Variants in ADAMTSL1 observed in about 807,000 individuals in gnomAD.
ADAMTSL1 encodes ADAMTS like 1, also known as ADAMTS-like protein 1.
In ADAMTSL1, 126 loss-of-function variants were observed where a neutral mutation model predicts 201.8. The observed-to-expected ratio is 0.62, with a 90% CI of 0.54 to 0.72. ADAMTSL1 has a LOEUF of 0.72. ADAMTSL1 is among the 30% of genes least tolerant of loss of function. The pLI, the probability that ADAMTSL1 is intolerant of heterozygous loss-of-function variation, is 0.00. For missense variants in ADAMTSL1, 2,679 were observed against 2,277.8 expected (o/e 1.18, Z -3.59); for synonymous variants, 1,121 against 903.4 (o/e 1.24, Z -4.32).
chr9:18,138,925 T>A (rs1826275232), intron 1 of ADAMTSL1, among the ~76,000 whole-genome samples: 1 of 152,110 alleles, frequency 6.6e-6, no homozygotes, highest in East Asian at 1.9e-4. Flanking sequence ...GTTGACTGTG[T>A]GTATGAGTGT....
At chr9:18,222,667 T>C in intron 2 of ADAMTSL1, among the ~76,000 whole-genome samples, 1 of 150,530 alleles carries the variant, frequency 6.6e-6, no homozygotes, top group Non-Finnish European at 1.5e-5. Flanking sequence ...TTTTTGCCAT[T>C]CCTTTTTTCT....
chr9:18,192,511 C>G (rs908599919), intron 2 of ADAMTSL1, among the ~76,000 whole-genome samples: 1 of 152,094 alleles, frequency 6.6e-6, no homozygotes, highest in African/African-American at 2.4e-5. Flanking sequence ...CTTGCTGAAC[C>G]TTTCCATGAT....
At position 17,928,800 on chromosome 9, in the gene ADAMTSL1, G is replaced by A. The variant is rs556462754; in HGVS notation, c.87+21878G>A. On this transcript the variant is annotated intron_variant, in intron 1 of 29. Coordinates refer to the ADAMTSL1 transcript ENST00000680146. ...TTTGTGCATCTGACCCATACTATGT[G>A]AAAGGAGGTCAAATGTGAATCAGTA... Among the ~76,000 whole-genome samples the A allele has an allele frequency of 2.2e-4, 33 of 152,274 alleles. No individual in the cohort carries two copies. In the South Asian group the frequency reaches 6.8e-3, roughly 32 times the overall value.
intron 2 of ADAMTSL1, among the ~76,000 whole-genome samples, chr9:18,214,197 T>A (rs761765009): frequency 6.6e-6 from 1 of 152,216 alleles, no homozygotes; most frequent in Non-Finnish European, 1.5e-5. Flanking sequence ...TTTCTCTCCA[T>A]CAATAAACCC....
intron 23 of ADAMTSL1, among the ~76,000 whole-genome samples, chr9:18,855,468 C>G (rs1826782349): frequency 6.6e-6 from 1 of 152,120 alleles, no homozygotes; most frequent in Admixed American, 6.5e-5. Flanking sequence ...GCAAATCTTA[C>G]AAAATAGATC....
intron 2 of ADAMTSL1, among the ~76,000 whole-genome samples, chr9:18,527,572 A>G (rs1023133275): frequency 2.6e-5 from 4 of 152,182 alleles, no homozygotes; most frequent in Non-Finnish European, 5.9e-5. Context: ...TTAATTTTTC[A>G]TGTCATTTCA....
chr9:18,528,195 T>G (rs891221148), intron 2 of ADAMTSL1, among the ~76,000 whole-genome samples: 11 of 152,072 alleles, frequency 7.2e-5, no homozygotes, highest in African/African-American at 2.2e-4. Context: ...TTATTTTTAT[T>G]TTTATTTTAT....
chr9:18,534,795 C>G (rs541493022), intron 3 of ADAMTSL1, among the ~76,000 whole-genome samples: 2 of 152,320 alleles, frequency 1.3e-5, no homozygotes, highest in South Asian at 4.1e-4. Flanking sequence ...GGCTTGCACC[C>G]CCTAAAGCAA....
At chr9:18,065,057 C>A (rs181115099) in intron 1 of ADAMTSL1, among the ~76,000 whole-genome samples, 3 of 129,712 alleles carry the variant, frequency 2.3e-5, no homozygotes, top group Non-Finnish European at 4.6e-5. Context: ...TAAATATGTT[C>A]GAAGCAATTC....
chr9:18,338,868 A>G (rs1478497187), intron 2 of ADAMTSL1, among the ~76,000 whole-genome samples: 2 of 152,066 alleles, frequency 1.3e-5, no homozygotes, highest in Non-Finnish European at 2.9e-5. Context: ...AAGTGAGAGT[A>G]TGTGGTATTT....
intron 2 of ADAMTSL1, among the ~76,000 whole-genome samples, chr9:18,467,028 T>C (rs188335369): frequency 1.3e-5 from 2 of 152,362 alleles, no homozygotes; most frequent in African/African-American, 2.4e-5. Context: ...GAATATCTCA[T>C]ATGTTAATAA....
intron 2 of ADAMTSL1, among the ~76,000 whole-genome samples, chr9:18,529,675 C>T (rs1046481548): frequency 6.6e-5 from 10 of 152,136 alleles, no homozygotes; most frequent in Non-Finnish European, 1.0e-4. Context: ...ATAGTAGAGA[C>T]TAGTGTTTCT....
intron 1 of ADAMTSL1, among the ~76,000 whole-genome samples, chr9:17,934,902 T>TA (rs59536452): frequency 3.6e-4 from 52 of 143,770 alleles, no homozygotes; most frequent in African/African-American, 1.2e-3. Context: ...CTATTTCCTT[T>TA]AAAAAAAAAA....
chr9:18,477,359 G>A (rs529830569), intron 1 of ADAMTSL1, among the ~76,000 whole-genome samples: 2 of 152,312 alleles, frequency 1.3e-5, no homozygotes, highest in African/African-American at 4.8e-5. Flanking sequence ...AAGTACATGT[G>A]TTTTCCTGTT....
At chr9:18,417,367 G>GAAAAAA (rs80226819) in intron 2 of ADAMTSL1, among the ~76,000 whole-genome samples, 3 of 64,682 alleles carry the variant, frequency 4.6e-5, no homozygotes, top group South Asian at 4.8e-4. Flanking sequence ...AAGTAAGCAG[G>GAAAAAA]AAAAAAAAAA....
At chr9:17,943,209 T>A (rs559344555) in intron 1 of ADAMTSL1, among the ~76,000 whole-genome samples, 7 of 152,166 alleles carry the variant, frequency 4.6e-5, no homozygotes, top group Admixed American at 1.3e-4. Context: ...CCCAAAGTGC[T>A]GGGATTACAG....
At chr9:17,925,665 T>A (rs1465784974) in intron 1 of ADAMTSL1, among the ~76,000 whole-genome samples, 1 of 124,124 alleles carries the variant, frequency 8.1e-6, no homozygotes, top group African/African-American at 3.1e-5. Context: ...TGAGATCACA[T>A]GGACACAGGA....
At chr9:18,302,578 G>A (rs894861793) in intron 2 of ADAMTSL1, among the ~76,000 whole-genome samples, 1 of 152,098 alleles carries the variant, frequency 6.6e-6, no homozygotes, top group Non-Finnish European at 1.5e-5. Flanking sequence ...AACAGTGCTA[G>A]GTATAGAGTG....
chr9:18,059,611 C>G (rs1296616517), intron 1 of ADAMTSL1, among the ~76,000 whole-genome samples: 1 of 152,168 alleles, frequency 6.6e-6, no homozygotes, highest in African/African-American at 2.4e-5. Flanking sequence ...CACATTATCA[C>G]TTGTACACAC....
Sources: gnomAD v4.1 joint callset for allele counts (sites outside exome capture counted in the v4.1 genomes callset) on GRCh38, gnomAD v4.1.1 for gene constraint, MANE v1.5 for transcripts, NCBI Gene and HGNC (gene_info 2026-07-23, HGNC 2026-07-21) for gene names.